The following CDKN2B-AS1 variants were observed in gnomAD, a reference collection of about 807,000 sequenced individuals.
CDKN2B-AS1 encodes the protein CDKN2B and CDKN2A antisense cis and trans regulatory RNA 1, also known as CDKN2B antisense RNA 1 (non-protein coding).
intron 4 of CDKN2B-AS1, among the ~76,000 whole-genome samples, chr9:22,073,792 A>G (rs1277930017): frequency 6.6e-6 from 1 of 152,042 alleles, no homozygotes; most frequent in Non-Finnish European, 1.5e-5. Flanking sequence ...TCTATTTGAG[A>G]GTTGGTTGAA....
chr9:22,005,658 GGTCCA>G lies in CDKN2B-AS1; in HGVS notation n.29+10501_29+10505del. 2.1e-6 allele frequency: 1 copy of G among 482,004 alleles called. No homozygotes were observed. 29.9% of individuals were successfully genotyped at this position (482,004 alleles called of 1,614,324 possible). ...TCCATCGGAAGATTCGTAGCCACCA[GGTCCA>G]GTCAAGGATTTCATATGCACTTTCC... On this transcript the variant is annotated intron_variant and non_coding_transcript_variant, in intron 1 of 4. Transcript: ENST00000650946. This position sits in a 1 kb window ranked among gnomAD's most constrained non-coding sequence, Gnocchi z 4.9.
intron 1 of CDKN2B-AS1, among the ~76,000 whole-genome samples, chr9:22,016,503 C>T (rs1440593912): frequency 6.6e-6 from 1 of 152,126 alleles, no homozygotes; most frequent in Non-Finnish European, 1.5e-5. Context: ...AATCCTAAGC[C>T]AAAAGAACAA....
At chr9:22,018,861 G>A (rs1821899639) in intron 1 of CDKN2B-AS1, among the ~76,000 whole-genome samples, 1 of 152,058 alleles carries the variant, frequency 6.6e-6, no homozygotes, top group South Asian at 2.1e-4. Context: ...CTATATTCTA[G>A]GTACAGGTGA....
Position 22,067,130 on chromosome 9 carries a change from G to A in CDKN2B-AS1, n.438+10743G>A, listed in dbSNP as rs367798378. 1.6e-4 allele frequency among the ~76,000 whole-genome samples: 24 copies of A among 152,152 alleles called. 1 individual carries two copies. The South Asian group carries it at 3.5e-3, about 22-fold the overall frequency. On this transcript the variant is annotated intron_variant and non_coding_transcript_variant, in intron 4 of 4. Transcript: ENST00000650946. The stretch of plus-strand genomic sequence containing the variant: ...CCTAATGTAAATGACGAGTTAATGG[G>A]TGCAGCACACCAACATAGCACATGT...
At chr9:22,124,357 TAACA>T (rs1419688587) in intron 4 of CDKN2B-AS1, among the ~76,000 whole-genome samples, 2 of 152,256 alleles carry the variant, frequency 1.3e-5, no homozygotes, top group South Asian at 2.1e-4. Context: ...GCTTCTAAAC[TAACA>T]AACAGCCAAT....
chr9:22,005,329 CATCCTCTCTTACCCCTCTGCTATCTGGTG>C lies in CDKN2B-AS1; in HGVS notation n.29+10169_29+10197del. The stretch of plus-strand genomic sequence containing the variant: ...ATTTTAGCATCTGTCGTCGCTTGCA[CATCCTCTCTTACCCCTCTGCTATCTGGTG>C]GAGTTGGGCGAGGGTCTCCAGGGCT... On this transcript the variant is annotated intron_variant and non_coding_transcript_variant, in intron 1 of 4. Transcript: ENST00000650946. The surrounding 1 kb of genome is among the most constrained non-coding windows in gnomAD (Gnocchi z 4.9). 1 of 238,560 alleles carries C rather than the reference CATCCTCTCTTACCCCTCTGCTATCTGGTG, an allele frequency of 4.2e-6. No individual in the cohort carries two copies. The highest frequency in any genetic ancestry group is 6.0e-5 in the East Asian group (1 of 16,712). The allele number at this position is 238,560 out of a possible 1,614,324, so 14.8% of individuals were successfully genotyped here.
intron 4 of CDKN2B-AS1, among the ~76,000 whole-genome samples, chr9:22,101,880 G>A (rs1354681161): frequency 1.3e-5 from 2 of 152,260 alleles, no homozygotes; most frequent in East Asian, 3.9e-4. Flanking sequence ...AGCAGACTGG[G>A]TTTTGAAGGA....
intron 1 of CDKN2B-AS1, among the ~76,000 whole-genome samples, chr9:22,008,049 AT>A (rs1197702567): frequency 1.3e-5 from 2 of 152,230 alleles, no homozygotes; most frequent in Non-Finnish European, 1.5e-5. Flanking sequence ...GAAATAAAAA[AT>A]ATCAGTACTA....
intron 1 of CDKN2B-AS1, among the ~76,000 whole-genome samples, chr9:22,018,831 C>T (rs533672737): frequency 7.8e-4 from 119 of 152,150 alleles, no homozygotes; most frequent in African/African-American, 2.8e-3. Context: ...ATATTGAGCC[C>T]CCCCAATAAA....
At chr9:22,091,891 G>C (rs1825100680) in intron 4 of CDKN2B-AS1, among the ~76,000 whole-genome samples, 1 of 152,176 alleles carries the variant, frequency 6.6e-6, no homozygotes, top group Admixed American at 6.5e-5. Context: ...GGGCATCCCT[G>C]TCTTGTGCCA....
intron 1 of CDKN2B-AS1, chr9:22,046,607 T>C (rs1406740137): frequency 6.6e-6 from 1 of 152,210 alleles, no homozygotes; most frequent in Non-Finnish European, 1.5e-5. Context: ...AGGTATACCA[T>C]ATTCAATGTA....
chr9:22,007,809 A>C (rs1165040670), intron 1 of CDKN2B-AS1, among the ~76,000 whole-genome samples: 2 of 152,266 alleles, frequency 1.3e-5, no homozygotes, highest in South Asian at 2.1e-4. Context: ...TTATTAATAA[A>C]ATTTTAAGTT....
chr9:22,110,775 A>G (rs1228236945), intron 4 of CDKN2B-AS1, among the ~76,000 whole-genome samples: 2 of 152,036 alleles, frequency 1.3e-5, no homozygotes, highest in East Asian at 3.8e-4. Flanking sequence ...TTCCTCCCCA[A>G]TCTCATCCCG....
At chr9:22,053,958 A>T (rs182207130) in intron 3 of CDKN2B-AS1, among the ~76,000 whole-genome samples, 16 of 19,846 alleles carry the variant, frequency 8.1e-4, no homozygotes, top group Admixed American at 8.0e-3. Flanking sequence ...GCCTTAAATT[A>T]AAAAAAAAAA....
Position 22,006,082 on chromosome 9 carries a change from C to T in CDKN2B-AS1, n.29+10921C>T, listed in dbSNP as rs202221094. 9.3e-6 allele frequency: 15 copies of T among 1,607,356 alleles called. No homozygotes were observed. The African/African-American group carries it at 1.5e-4, about 16-fold the overall frequency. ...GGCAGACGACCCCAGGCATCGCGCACGTCCAGCCGCGCCCCGGCCCGGTGC... is the reference window on the plus strand; with the variant it reads ...GGCAGACGACCCCAGGCATCGCGCATGTCCAGCCGCGCCCCGGCCCGGTGC... On this transcript the variant is annotated intron_variant and non_coding_transcript_variant, in intron 1 of 4. Coordinates refer to ENST00000650946, the Ensembl canonical transcript of CDKN2B-AS1. The surrounding 1 kb of genome is among the most constrained non-coding windows in gnomAD (Gnocchi z 6.4).
intron 1 of CDKN2B-AS1, among the ~76,000 whole-genome samples, chr9:22,033,318 C>T (rs1262888208): frequency 6.6e-6 from 1 of 152,138 alleles, no homozygotes; most frequent in Admixed American, 6.6e-5. Context: ...CTAAAGCTAG[C>T]CTTCTGGTAA....
intron 1 of CDKN2B-AS1, among the ~76,000 whole-genome samples, chr9:22,018,257 G>A (rs534247565): frequency 6.6e-6 from 1 of 152,064 alleles, no homozygotes; most frequent in South Asian, 2.1e-4. Context: ...CCAGGAGGCA[G>A]AGGTTGAGTT....
chr9:22,107,365 C>T (rs1252328651), intron 4 of CDKN2B-AS1, among the ~76,000 whole-genome samples: 1 of 152,130 alleles, frequency 6.6e-6, no homozygotes, highest in Non-Finnish European at 1.5e-5. Flanking sequence ...GAAAACAACC[C>T]CAGGGTGTCT....
In CDKN2B-AS1 at chr9:21,996,188, T is replaced by TC. The variant is rs1295584675; in HGVS notation, n.29+1032dup. 3.3e-5 allele frequency among the ~76,000 whole-genome samples: 5 copies of TC among 151,672 alleles called. No individual in the cohort carries two copies. Among genetic ancestry groups the TC allele is most frequent in the Non-Finnish European group, 1.5e-5 (1 of 67,972 alleles). ...GGAGCGGCAGACTTCTCTTTCCCCA[T>TC]CCCCCGCCCCATCACTTGACGTTGC... On this transcript the variant is annotated intron_variant and non_coding_transcript_variant, in intron 1 of 4. Coordinates refer to ENST00000650946, the Ensembl canonical transcript of CDKN2B-AS1. The surrounding 1 kb of genome is among the most constrained non-coding windows in gnomAD (Gnocchi z 5.4).
Sources: gnomAD v4.1 joint callset for allele counts (sites outside exome capture counted in the v4.1 genomes callset) on GRCh38, gnomAD v4.1.1 for gene constraint, Gnocchi (gnomAD v3.1) non-coding constraint, MANE v1.5 for transcripts, NCBI Gene and HGNC (gene_info 2026-07-23, HGNC 2026-07-21) for gene names.